UNC5C: variants seen among roughly 807,000 people sequenced by gnomAD.
The protein encoded by UNC5C is unc-5 netrin receptor C.
In UNC5C, 47 loss-of-function variants were observed where a neutral mutation model predicts 99.8. That is an observed-to-expected ratio of 0.47 (90% CI 0.37 to 0.60). UNC5C has a LOEUF of 0.60. Among genes scored for constraint, UNC5C ranks in the 20% least tolerant of loss-of-function variants. The pLI is 0.00. For missense variants in UNC5C, 1,062 were observed against 1,165.9 expected (o/e 0.91, Z 1.30); for synonymous variants, 487 against 452.2 (o/e 1.08, Z -0.98).
intron 1 of UNC5C, among the ~76,000 whole-genome samples, chr4:95,406,150 T>C (rs1456749684): frequency 6.6e-6 from 1 of 152,212 alleles, no homozygotes; most frequent in Non-Finnish European, 1.5e-5. Context: ...AATCGACTTT[T>C]ATGCTAGGTA....
At chr4:95,397,418 AAAGAAAAGTTAGT>A (rs1435342152) in intron 1 of UNC5C, among the ~76,000 whole-genome samples, 1 of 152,226 alleles carries the variant, frequency 6.6e-6, no homozygotes, top group African/African-American at 2.4e-5. Context: ...TAGTAACATT[AAAGAAAAGTTAGT>A]AAGAAAACAC....
chr4:95,511,881 G>C (rs184836853), intron 1 of UNC5C, among the ~76,000 whole-genome samples: 27 of 152,244 alleles, frequency 1.8e-4, no homozygotes, highest in African/African-American at 5.5e-4. Context: ...GTTGGGGAAG[G>C]GGCTACATTC....
At chr4:95,250,129 G>A (rs1177898994) in intron 5 of UNC5C, among the ~76,000 whole-genome samples, 1 of 152,140 alleles carries the variant, frequency 6.6e-6, no homozygotes, top group Non-Finnish European at 1.5e-5. Flanking sequence ...GGCTGAGGTT[G>A]TCTGAGCCTA....
intron 5 of UNC5C, among the ~76,000 whole-genome samples, chr4:95,247,038 CAAAT>C (rs1269082848): frequency 7.2e-5 from 10 of 139,552 alleles, no homozygotes; most frequent in Non-Finnish European, 1.4e-4. Context: ...AACCCTGTCT[CAAAT>C]AAAAAAATAA....
chr4:95,548,347 A>T (rs1723131584), intron 1 of UNC5C, among the ~76,000 whole-genome samples: 1 of 151,768 alleles, frequency 6.6e-6, no homozygotes, highest in Non-Finnish European at 1.5e-5. Flanking sequence ...GGGTGCATCT[A>T]CGGTATGTCA....
intron 2 of UNC5C, among the ~76,000 whole-genome samples, chr4:95,306,015 C>T (rs1433718646): frequency 6.6e-6 from 1 of 152,032 alleles, no homozygotes; most frequent in African/African-American, 2.4e-5. Flanking sequence ...CAAATACATG[C>T]TTAATCCAAT....
At chr4:95,435,173 C>T (rs1746740958) in intron 1 of UNC5C, among the ~76,000 whole-genome samples, 1 of 152,042 alleles carries the variant, frequency 6.6e-6, no homozygotes, top group Admixed American at 6.6e-5. Context: ...AAGTGGCCCT[C>T]CCAATTCTGA....
chr4:95,386,784 C>CA (rs922145767), intron 1 of UNC5C, among the ~76,000 whole-genome samples: 10 of 152,006 alleles, frequency 6.6e-5, no homozygotes, highest in East Asian at 1.9e-4. Flanking sequence ...CACTTCCCCC[C>CA]AAAAAAAGCC....
chr4:95,449,454 G>T (rs4103380), intron 1 of UNC5C, among the ~76,000 whole-genome samples: 18 of 151,958 alleles, frequency 1.2e-4, no homozygotes, highest in African/African-American at 3.9e-4. Context: ...CTTCCTGTAA[G>T]GTGTATGGTG....
chr4:95,385,229 A>T (rs550243929), intron 1 of UNC5C, among the ~76,000 whole-genome samples: 1 of 152,340 alleles, frequency 6.6e-6, no homozygotes, highest in East Asian at 1.9e-4. Context: ...TAAGAACATA[A>T]CTGTGCTGTT....
chr4:95,332,051 C>A (rs1000062375), intron 2 of UNC5C, among the ~76,000 whole-genome samples: 1 of 152,114 alleles, frequency 6.6e-6, no homozygotes, highest in African/African-American at 2.4e-5. Flanking sequence ...CTACAAACCA[C>A]TGCTCAATGA....
intron 1 of UNC5C, among the ~76,000 whole-genome samples, chr4:95,395,211 C>T (rs542690890): frequency 8.5e-5 from 13 of 152,298 alleles, no homozygotes; most frequent in Admixed American, 3.3e-4. Flanking sequence ...AAATGCTAAT[C>T]GGATGCAAAG....
chr4:95,217,349 C>T (rs17023280), intron 9 of UNC5C, among the ~76,000 whole-genome samples: 4,759 of 152,188 alleles, frequency 0.031, 240 homozygotes, highest in African/African-American at 0.11. Flanking sequence ...CCACAGACCT[C>T]TTGAGAAGGA....
At position 95,400,155 on chromosome 4, in the gene UNC5C, C is replaced by T. The variant is rs531290832; in HGVS notation, c.125-64524G>A. ...TGAGTTACATCATCCCCTCTCTTTG[C>T]GTGCAGAAGGAGCCTGTGACTTGCT... On this transcript the variant is annotated intron_variant, in intron 1 of 15. Coordinates refer to ENST00000453304, the MANE Select transcript of UNC5C (RefSeq NM_003728.4). Among the ~76,000 whole-genome samples, 18 of 152,216 alleles carry T rather than the reference C, an allele frequency of 1.2e-4. No individual in the cohort carries two copies. The South Asian group carries it at 2.1e-3, about 18-fold the overall frequency.
At chr4:95,429,396 C>T (rs1746574043) in intron 1 of UNC5C, among the ~76,000 whole-genome samples, 1 of 151,724 alleles carries the variant, frequency 6.6e-6, no homozygotes, top group Admixed American at 6.6e-5. Flanking sequence ...TTTCTTGCCC[C>T]AATAGCTGTT....
intron 1 of UNC5C, among the ~76,000 whole-genome samples, chr4:95,486,807 T>C (rs771502139): frequency 1.1e-4 from 17 of 151,396 alleles, no homozygotes; most frequent in Non-Finnish European, 1.8e-4. Context: ...ACTATGAAAA[T>C]TGATATACTG....
At chr4:95,194,336 C>CTA in intron 12 of UNC5C, among the ~76,000 whole-genome samples, 1 of 152,260 alleles carries the variant, frequency 6.6e-6, no homozygotes, top group South Asian at 2.1e-4. Flanking sequence ...TTTTAAACTT[C>CTA]TATATTAGTT....
intron 11 of UNC5C, 79 bp from the exon 12 acceptor site, chr4:95,203,043 G>A: frequency 7.7e-7 from 1 of 1,298,766 alleles, no homozygotes; most frequent in Non-Finnish European, 1.1e-6. Flanking sequence ...TGAATGGTGA[G>A]TAGAGCAGGA....
At chr4:95,357,928 G>T (rs940547331) in intron 1 of UNC5C, among the ~76,000 whole-genome samples, 22 of 152,082 alleles carry the variant, frequency 1.4e-4, no homozygotes, top group Admixed American at 6.6e-5. Flanking sequence ...AGATAAATGG[G>T]ATAATGCTAT....
Sources: gnomAD v4.1 joint callset for allele counts (sites outside exome capture counted in the v4.1 genomes callset) on GRCh38, gnomAD v4.1.1 for gene constraint, MANE v1.5 for transcripts, NCBI Gene and HGNC (gene_info 2026-07-23, HGNC 2026-07-21) for gene names.